CRTC1: variants seen among roughly 807,000 people sequenced by gnomAD.
The protein encoded by CRTC1 is CREB-regulated transcription coactivator 1.
Under a neutral mutation model 66.1 loss-of-function variants are expected in CRTC1, and 18 were observed. The observed-to-expected ratio is 0.27, with a 90% CI of 0.19 to 0.40. The LOEUF is 0.40. Among genes scored for constraint, CRTC1 ranks in the 10% least tolerant of loss-of-function variants. The probability of loss-of-function intolerance (pLI) is 1.00; values close to 1 mark genes in which losing one functional copy is unlikely to be tolerated. For synonymous variants in CRTC1, 416 were observed against 398.8 expected, an observed-to-expected ratio of 1.04 and a Z score of -0.51; for missense variants, 669 against 887.9, an observed-to-expected ratio of 0.75 and a Z score of 3.13.
intron 1 of CRTC1, among the ~76,000 whole-genome samples, chr19:18,728,770 C>T (rs1299015010): frequency 1.4e-5 from 2 of 147,492 alleles, no homozygotes; most frequent in Non-Finnish European, 3.0e-5. Context: ...TTCCCAAAGA[C>T]CTCCCAAAGT....
chr19:18,774,715 G>A (rs2054943229), intron 11 of CRTC1, among the ~76,000 whole-genome samples, 185 bp from the exon 12 acceptor site: 2 of 152,296 alleles, frequency 1.3e-5, no homozygotes, highest in African/African-American at 4.8e-5. Flanking sequence ...CCCAGGAGCA[G>A]GTGGCAGAAA....
chr19:18,689,295 A>G lies in CRTC1; in HGVS notation c.126+5467A>G, dbSNP rs572449320. ...TGGATTTGCCTGTTCTGGACATTTC[A>G]TATCAATAGAATCCTACACAGTGAG... On this transcript the variant is annotated intron_variant, in intron 1 of 13. Coordinates refer to ENST00000321949, the MANE Select transcript of CRTC1 (RefSeq NM_015321.3). 7.8e-4 allele frequency among the ~76,000 whole-genome samples: 118 copies of G among 151,544 alleles called. 4 individuals are homozygous for G. In the South Asian group the frequency reaches 0.024, roughly 31 times the overall value.
At chr19:18,748,738 C>T (rs963963313) in intron 4 of CRTC1, among the ~76,000 whole-genome samples, 3 of 150,452 alleles carry the variant, frequency 2.0e-5, no homozygotes, top group African/African-American at 4.9e-5. Context: ...TACATACACA[C>T]GCACACACAC....
chr19:18,732,277 G>T (rs1271824361), intron 1 of CRTC1, among the ~76,000 whole-genome samples: 3 of 152,196 alleles, frequency 2.0e-5, no homozygotes, highest in African/African-American at 4.8e-5. Flanking sequence ...CATAAAGGGG[G>T]GGTCCCGATC....
intron 5 of CRTC1, among the ~76,000 whole-genome samples, chr19:18,750,289 G>C (rs2145763328): frequency 6.6e-6 from 1 of 152,344 alleles, no homozygotes; most frequent in South Asian, 2.1e-4. Flanking sequence ...CCACTGGACT[G>C]TTTCCTGGCT....
At chr19:18,696,740 C>G (rs1416646309) in intron 1 of CRTC1, among the ~76,000 whole-genome samples, 1 of 152,070 alleles carries the variant, frequency 6.6e-6, no homozygotes, top group Non-Finnish European at 1.5e-5. Context: ...CTCCAAGGTG[C>G]CTGCCTGGGA....
At chr19:18,757,408 C>A (rs1345003548) in intron 6 of CRTC1, among the ~76,000 whole-genome samples, 1 of 152,226 alleles carries the variant, frequency 6.6e-6, no homozygotes, top group Non-Finnish European at 1.5e-5. Flanking sequence ...ACCCCCTCCC[C>A]AGGGCCAACT....
chr19:18,741,703 A>G lies in CRTC1; in HGVS notation c.127-1207A>G, dbSNP rs926479620. 4.6e-5 allele frequency among the ~76,000 whole-genome samples: 7 copies of G among 152,198 alleles called. No individual in the cohort carries two copies. The highest frequency in any genetic ancestry group is 1.5e-5 in the Non-Finnish European group (1 of 68,012). On this transcript the variant is annotated intron_variant, in intron 1 of 13. Transcript: ENST00000321949. The surrounding 1 kb of genome is among the most constrained non-coding windows in gnomAD (Gnocchi z 4.2). ...AGCGGCCACCAAGGGCTCCCAGCAC[A>G]GACCCTGGGCCTCACCCCCAGGCCC...
At chr19:18,720,475 G>C (rs1039864880) in intron 1 of CRTC1, among the ~76,000 whole-genome samples, 2 of 150,932 alleles carry the variant, frequency 1.3e-5, no homozygotes, top group South Asian at 4.2e-4. Context: ...TCAGCCTCCC[G>C]AGTAACTGGG....
chr19:18,722,016 C>T (rs1266349369), intron 1 of CRTC1, among the ~76,000 whole-genome samples: 3 of 152,152 alleles, frequency 2.0e-5, no homozygotes, highest in South Asian at 2.1e-4. Flanking sequence ...CCTAGGTCAC[C>T]GTGCAGCCGG....
chr19:18,766,338 C>T (rs941732929), intron 9 of CRTC1, among the ~76,000 whole-genome samples: 2 of 147,384 alleles, frequency 1.4e-5, no homozygotes, highest in African/African-American at 2.5e-5. Context: ...GGGGTTTCAC[C>T]ATGCTGGCCA....
At position 18,731,810 on chromosome 19, in the gene CRTC1, C is replaced by CG. The variant is rs552580151; in HGVS notation, c.127-11094dup. On this transcript the variant is annotated intron_variant, in intron 1 of 13. Transcript: ENST00000321949. ...TCACACCTCGGCTGCCTGGCTGCCC[C>CG]GGGGGGTGGGGGGAAGGCACTGCTG... 5.2e-3 allele frequency among the ~76,000 whole-genome samples: 785 copies of CG among 152,304 alleles called. 6 individuals are homozygous for CG. Among genetic ancestry groups the CG allele is most frequent in the African/African-American group, 0.016 (668 of 41,566 alleles).
intron 4 of CRTC1, among the ~76,000 whole-genome samples, chr19:18,748,374 A>ATTTT (rs777077338): frequency 1.7e-4 from 13 of 75,368 alleles, no homozygotes; most frequent in East Asian, 4.2e-4. Flanking sequence ...CTTCCAGCTG[A>ATTTT]TTTTTTTTTT....
In CRTC1 at chr19:18,778,799, A is replaced by G. The variant is rs2055048158; in HGVS notation, c.*1417A>G. ...ACGAGGACCACGGTCCTCCCTGAGAACCTGGGTGGAACTGGCATTTCATCC... is the reference window on the plus strand; with the variant it reads ...ACGAGGACCACGGTCCTCCCTGAGAGCCTGGGTGGAACTGGCATTTCATCC... On this transcript the variant is annotated 3_prime_UTR_variant, in exon 14 of 14. Coordinates refer to ENST00000321949, the MANE Select transcript of CRTC1 (RefSeq NM_015321.3). 1 of 230,920 alleles carries G rather than the reference A, an allele frequency of 4.3e-6. No individual in the cohort carries two copies. The highest frequency in any genetic ancestry group is 8.6e-6 in the Non-Finnish European group (1 of 116,582). 14.3% of individuals were successfully genotyped at this position (230,920 alleles called of 1,614,324 possible). A position where few individuals can be genotyped will look rare whatever the true frequency, so the allele number is the denominator to read the frequency against.
intron 1 of CRTC1, among the ~76,000 whole-genome samples, chr19:18,708,423 A>G (rs1177538723): frequency 6.6e-6 from 1 of 152,120 alleles, no homozygotes; most frequent in African/African-American, 2.4e-5. Flanking sequence ...CGAGAGAGGA[A>G]CGGGGCCACC....
chr19:18,724,044 A>G (rs1010328618), intron 1 of CRTC1, among the ~76,000 whole-genome samples: 4 of 152,254 alleles, frequency 2.6e-5, no homozygotes, highest in Non-Finnish European at 1.5e-5. Context: ...TGCACAGAAC[A>G]GAGCATCCCA....
At chr19:18,756,884 C>A (rs1446957505) in intron 6 of CRTC1, among the ~76,000 whole-genome samples, 1 of 152,146 alleles carries the variant, frequency 6.6e-6, no homozygotes, top group African/African-American at 2.4e-5. Flanking sequence ...AACGTGATCG[C>A]CGGTGTGCTT....
chr19:18,743,545 G>A (rs1039564012), intron 2 of CRTC1, among the ~76,000 whole-genome samples: 15 of 152,334 alleles, frequency 9.8e-5, no homozygotes, highest in Non-Finnish European at 1.6e-4. Context: ...GTGGAGATGG[G>A]GATGGGGTGG....
intron 1 of CRTC1, among the ~76,000 whole-genome samples, chr19:18,699,173 T>G (rs2053071860): frequency 6.6e-6 from 1 of 152,184 alleles, no homozygotes; most frequent in Admixed American, 6.5e-5. Flanking sequence ...CATTCTGGAA[T>G]CTCATAGAAG....
Sources: gnomAD v4.1 joint callset for allele counts (sites outside exome capture counted in the v4.1 genomes callset) on GRCh38, gnomAD v4.1.1 for gene constraint, Gnocchi (gnomAD v3.1) non-coding constraint, MANE v1.5 for transcripts, NCBI Gene and HGNC (gene_info 2026-07-23, HGNC 2026-07-21) for gene names.